CNTN4: variants seen among roughly 807,000 people sequenced by gnomAD.
The protein encoded by CNTN4 is contactin-4.
Under a neutral mutation model 122.5 loss-of-function variants are expected in CNTN4, and 77 were observed. The ratio of observed to expected loss-of-function variants is 0.63; its 90% CI spans 0.52 to 0.76. The LOEUF (loss-of-function observed/expected upper bound fraction) is 0.76. Among genes scored for constraint, CNTN4 ranks in the 30% least tolerant of loss-of-function variants. The pLI, the probability that CNTN4 is intolerant of heterozygous loss-of-function variation, is 0.00. For synonymous variants in CNTN4, 512 were observed against 447.0 expected (o/e 1.15, Z -1.83); for missense variants, 1,256 against 1,259.1 (o/e 1.00, Z 0.04).
At chr3:2,512,227 G>A (rs2076907949) in intron 3 of CNTN4, among the ~76,000 whole-genome samples, 1 of 151,912 alleles carries the variant, frequency 6.6e-6, no homozygotes, top group African/African-American at 2.4e-5. Context: ...AGGTGGGCAG[G>A]ATAACTGTTT....
intron 14 of CNTN4, among the ~76,000 whole-genome samples, chr3:3,024,066 T>G (rs548917581): frequency 1.3e-5 from 2 of 152,330 alleles, no homozygotes; most frequent in African/African-American, 4.8e-5. Context: ...ATGAATGTTC[T>G]TATTCCTTCA....
chr3:2,169,732 A>G (rs2036384310), intron 2 of CNTN4, among the ~76,000 whole-genome samples: 1 of 152,126 alleles, frequency 6.6e-6, no homozygotes, highest in African/African-American at 2.4e-5. Context: ...GATATGAAAA[A>G]CAGTAGTGAA....
intron 12 of CNTN4, among the ~76,000 whole-genome samples, chr3:2,908,096 T>C (rs2094257640): frequency 6.6e-6 from 1 of 152,180 alleles, no homozygotes; most frequent in Admixed American, 6.5e-5. Context: ...CCTGAGGTGC[T>C]GTACAACTCC....
intron 4 of CNTN4, among the ~76,000 whole-genome samples, chr3:2,607,229 T>G (rs1412544412): frequency 6.6e-6 from 1 of 152,152 alleles, no homozygotes; most frequent in Non-Finnish European, 1.5e-5. Flanking sequence ...GCAGAGCAAT[T>G]TGAACATTCC....
chr3:2,493,745 T>G (rs2076379449), intron 3 of CNTN4, among the ~76,000 whole-genome samples: 1 of 152,084 alleles, frequency 6.6e-6, no homozygotes, highest in Non-Finnish European at 1.5e-5. Context: ...TACGGTCATG[T>G]GGCTAAATTT....
At chr3:2,147,391 T>C (rs933969723) in intron 2 of CNTN4, among the ~76,000 whole-genome samples, 1 of 151,770 alleles carries the variant, frequency 6.6e-6, no homozygotes, top group Admixed American at 6.6e-5. Flanking sequence ...AAAAAAAAAA[T>C]TTGCAGTAAT....
At chr3:2,205,460 C>G (rs2038296224) in intron 2 of CNTN4, among the ~76,000 whole-genome samples, 1 of 151,736 alleles carries the variant, frequency 6.6e-6, no homozygotes, top group Admixed American at 6.6e-5. Context: ...TTCTCTAACT[C>G]AAACTTCTAC....
Position 2,946,704 on chromosome 3 carries a change from C to CTTTTTTTT in CNTN4, c.1358+20935_1358+20942dup, listed in dbSNP as rs55883455. ...CAACAGACAGCTTGCTTTTTTTTTT[C>CTTTTTTTT]TTTTTTTTTTTTTTTTTGAGACAGA... is the stretch of plus-strand genomic sequence containing the variant. On this transcript the variant is annotated intron_variant, in intron 13 of 24. Coordinates refer to ENST00000418658, the MANE Select transcript of CNTN4 (RefSeq NM_175607.3). Among the ~76,000 whole-genome samples the CTTTTTTTT allele has an allele frequency of 2.5e-5, 3 of 119,386 alleles. 1 individual carries two copies. Among genetic ancestry groups the CTTTTTTTT allele is most frequent in the Non-Finnish European group, 1.7e-5 (1 of 59,490 alleles). 78.3% of individuals were successfully genotyped at this position (119,386 alleles called of 152,430 possible). A position where few individuals can be genotyped will look rare whatever the true frequency, so the allele number is the denominator to read the frequency against.
chr3:2,298,036 G>C (rs555799134), intron 2 of CNTN4, among the ~76,000 whole-genome samples: 2 of 152,090 alleles, frequency 1.3e-5, no homozygotes, highest in African/African-American at 4.8e-5. Context: ...CTGGTCATCT[G>C]TTATGTTAAG....
intron 14 of CNTN4, among the ~76,000 whole-genome samples, chr3:2,997,081 T>A (rs536913013): frequency 4.6e-5 from 7 of 152,380 alleles, no homozygotes; most frequent in Middle Eastern, 3.4e-3. Flanking sequence ...GTTCATTAAA[T>A]GTTTAAATCT....
At chr3:2,607,602 A>G (rs2081311471) in intron 4 of CNTN4, among the ~76,000 whole-genome samples, 1 of 149,426 alleles carries the variant, frequency 6.7e-6, no homozygotes, top group South Asian at 2.2e-4. Context: ...GTGTATATAC[A>G]TATGCATCCA....
chr3:2,757,545 TTA>T lies in CNTN4; in HGVS notation c.358+11850_358+11851del, dbSNP rs2090394248. Reference sequence around the variant, plus strand: ...CTCTCAAGCGATGTTATCGTTGATGTTATGACATTTCTAGCCCCAGAAAGTCC... The same window carrying T: ...CTCTCAAGCGATGTTATCGTTGATGTTGACATTTCTAGCCCCAGAAAGTCC... On this transcript the variant is annotated intron_variant, in intron 6 of 24. Coordinates refer to ENST00000418658, the MANE Select transcript of CNTN4 (RefSeq NM_175607.3). Among the ~76,000 whole-genome samples, 5 of 152,310 alleles carry T rather than the reference TTA, an allele frequency of 3.3e-5. 1 individual carries two copies. The South Asian group carries it at 1.0e-3, about 32-fold the overall frequency.
At chr3:2,565,427 A>G (rs2079115494) in intron 3 of CNTN4, among the ~76,000 whole-genome samples, 1 of 152,172 alleles carries the variant, frequency 6.6e-6, no homozygotes, top group African/African-American at 2.4e-5. Context: ...GTTAAAGGAG[A>G]AAATCCAGCA....
intron 3 of CNTN4, among the ~76,000 whole-genome samples, chr3:2,496,165 C>A (rs2076446332): frequency 6.6e-6 from 1 of 152,184 alleles, no homozygotes; most frequent in Non-Finnish European, 1.5e-5. Context: ...TCTGATTTGT[C>A]ATGTCATTCC....
At chr3:2,682,588 G>T (rs2085219192) in intron 4 of CNTN4, among the ~76,000 whole-genome samples, 1 of 152,000 alleles carries the variant, frequency 6.6e-6, no homozygotes, top group Admixed American at 6.6e-5. Context: ...GGCAATTTTA[G>T]GTAACAATAC....
chr3:2,759,393 C>G (rs371764598), intron 6 of CNTN4, among the ~76,000 whole-genome samples: 3 of 152,070 alleles, frequency 2.0e-5, no homozygotes. Context: ...GTGATCTGCC[C>G]GCCTCGGCCT....
chr3:2,883,285 A>T, intron 9 of CNTN4, 38 bp downstream of exon 9: 1 of 1,473,426 alleles, frequency 6.8e-7, no homozygotes, highest in Non-Finnish European at 9.5e-7. Flanking sequence ...TCCTCCCTTC[A>T]GCTTGAGCAG....
rs370362465 is a variant in CNTN4, at chr3:2,305,911, T to C, written c.-144-33267T>C. Among the ~76,000 whole-genome samples the C allele has an allele frequency of 5.9e-5, 9 of 152,326 alleles. No individual in the cohort carries two copies. In the South Asian group the frequency reaches 1.0e-3, roughly 18 times the overall value. ...TATGTAGAGTTTTGTGTCTGACTTC[T>C]TTCAGTTAGCATGACGTTTTAAAAT... On this transcript the variant is annotated intron_variant, in intron 2 of 24. Transcript: ENST00000418658.
rs149031026 is a variant in CNTN4 at position 2,847,998 on chromosome 3, C to G, written c.455-18754C>G. On this transcript the variant is annotated intron_variant, in intron 7 of 24. Coordinates refer to ENST00000418658, the MANE Select transcript of CNTN4 (RefSeq NM_175607.3). ...ACAGGGTTGGGCACAGTGGCTGACA[C>G]CTGTAATCCCAACACTTCGGGAGGC... Among the ~76,000 whole-genome samples the G allele has an allele frequency of 1.4e-3, 213 of 152,288 alleles. 1 individual carries two copies. The highest frequency in any genetic ancestry group is 6.8e-3 in the Middle Eastern group (2 of 294).
Sources: gnomAD v4.1 joint callset for allele counts (sites outside exome capture counted in the v4.1 genomes callset) on GRCh38, gnomAD v4.1.1 for gene constraint, MANE v1.5 for transcripts, NCBI Gene and HGNC (gene_info 2026-07-23, HGNC 2026-07-21) for gene names.